Variants in POR observed in about 807,000 individuals in gnomAD.
The protein encoded by POR is cytochrome p450 oxidoreductase.
A neutral mutation model predicts 84.0 loss-of-function variants in POR; 56 were observed. That is an observed-to-expected ratio of 0.67 (90% confidence interval 0.54 to 0.83). The LOEUF is 0.83. Ranked by LOEUF, POR falls within the 40% of genes least tolerant of loss-of-function variation. The pLI, the probability that POR is intolerant of heterozygous loss-of-function variation, is 0.00. For missense variants in POR, 938 were observed against 944.3 expected (o/e 0.99, Z 0.09); for synonymous variants, 414 against 400.5 (o/e 1.03, Z -0.40).
intron 3 of POR, among the ~76,000 whole-genome samples, chr7:75,976,441 T>TA (rs10647973): frequency 0.29 from 41,899 of 146,012 alleles, 6,133 homozygotes; most frequent in East Asian, 0.45. Context: ...AGATTCCATC[T>TA]AAAAAAAAAA....
intron 1 of POR, among the ~76,000 whole-genome samples, chr7:75,928,807 A>G (rs1187906531): frequency 6.6e-6 from 1 of 151,866 alleles, no homozygotes; most frequent in Non-Finnish European, 1.5e-5. Flanking sequence ...TCTAACAGGA[A>G]GCCCCAGTGG....
chr7:75,923,794 A>G (rs1806984502), intron 1 of POR, among the ~76,000 whole-genome samples: 1 of 151,868 alleles, frequency 6.6e-6, no homozygotes, highest in Admixed American at 6.6e-5. Flanking sequence ...AGGCTGAGGC[A>G]GGAGAATCGC....
At chr7:75,925,185 T>C (rs1265071243) in intron 1 of POR, among the ~76,000 whole-genome samples, 3 of 151,994 alleles carry the variant, frequency 2.0e-5, no homozygotes, top group Admixed American at 1.3e-4. Context: ...ATAGCAGTTA[T>C]TGGAAAAAGG....
At chr7:75,949,078 GA>G (rs1326008218) in intron 1 of POR, among the ~76,000 whole-genome samples, 1 of 152,204 alleles carries the variant, frequency 6.6e-6, no homozygotes, top group East Asian at 1.9e-4. Context: ...TGGGTGGTGG[GA>G]GTGGGTTCTG....
intron 3 of POR, 151 bp downstream of exon 3, chr7:75,972,612 T>C (rs1398708526): frequency 1.3e-6 from 1 of 745,972 alleles, no homozygotes; most frequent in Non-Finnish European, 2.4e-6. Context: ...GAGTCATTCT[T>C]GCCTAACCAA....
rs138961365 is a variant in POR, at chr7:75,921,729, C to T, written c.-5+6550C>T. Among the ~76,000 whole-genome samples, 424 of 152,150 alleles carry T rather than the reference C, an allele frequency of 2.8e-3. 4 individuals are homozygous for T. Among genetic ancestry groups the T allele is most frequent in the African/African-American group, 9.6e-3 (398 of 41,524 alleles). On this transcript the variant is annotated intron_variant, in intron 1 of 15. Coordinates refer to ENST00000461988, the MANE Select transcript of POR (RefSeq NM_000941.3). ...GTTGATCTTGGAACCCTGCTTCGGT[C>T]ACCCCTCCTTTCTCTTCGCCCAGAC... is the stretch of plus-strand genomic sequence containing the variant.
At chr7:75,981,704 T>C (rs1789056588) in intron 7 of POR, 98 bp downstream of exon 7, 5 of 1,003,288 alleles carry the variant, frequency 5.0e-6, no homozygotes, top group Non-Finnish European at 7.4e-6. Flanking sequence ...CGCAGCAAGG[T>C]TAGAAGACAC....
At chr7:75,925,472 C>G (rs1302417047) in intron 1 of POR, among the ~76,000 whole-genome samples, 1 of 152,186 alleles carries the variant, frequency 6.6e-6, no homozygotes, top group Non-Finnish European at 1.5e-5. Context: ...CTGTAGTAAG[C>G]TATGATTGCA....
chr7:75,965,502 G>A (rs1554555104), intron 2 of POR, among the ~76,000 whole-genome samples: 1 of 151,824 alleles, frequency 6.6e-6, no homozygotes, highest in East Asian at 1.9e-4. Flanking sequence ...GGCCACCCCA[G>A]CCCACCCCTC....
chr7:75,926,160 G>A (rs542929790), intron 1 of POR, among the ~76,000 whole-genome samples: 2 of 148,900 alleles, frequency 1.3e-5, no homozygotes, highest in African/African-American at 5.1e-5. Flanking sequence ...CATGCTTGGC[G>A]AGTTTTTCTT....
intron 3 of POR, among the ~76,000 whole-genome samples, chr7:75,973,102 C>G (rs1252179257): frequency 1.3e-5 from 2 of 151,772 alleles, no homozygotes; most frequent in African/African-American, 4.8e-5. Context: ...GGATTACAGG[C>G]GTGAACCACC....
At chr7:75,937,092 G>T (rs1554550938) in intron 1 of POR, among the ~76,000 whole-genome samples, 1 of 151,622 alleles carries the variant, frequency 6.6e-6, no homozygotes, top group Non-Finnish European at 1.5e-5. Flanking sequence ...CTCCCAAAGT[G>T]CTGGGATTAC....
At chr7:75,959,518 C>T (rs927550140) in intron 2 of POR, among the ~76,000 whole-genome samples, 4 of 152,122 alleles carry the variant, frequency 2.6e-5, no homozygotes, top group African/African-American at 9.7e-5. Flanking sequence ...TGCTATGGCG[C>T]GATATCAGTT....
At chr7:75,981,949 C>G in intron 7 of POR, 1 of 567,966 alleles carries the variant, frequency 1.8e-6, no homozygotes, top group Non-Finnish European at 3.1e-6. Flanking sequence ...CCCCTGGGTG[C>G]TGCCCGGGCT....
chr7:75,946,391 ATCC>A (rs1787174111), intron 1 of POR, among the ~76,000 whole-genome samples: 3 of 151,862 alleles, frequency 2.0e-5, no homozygotes. Flanking sequence ...GGCTCAGGTG[ATCC>A]TCCTACCTCG....
rs1554559338 is a variant in POR at position 75,986,094 on chromosome 7, G to T, written c.1815+26G>T. On this transcript the variant is annotated intron_variant, in intron 14 of 15. Coordinates refer to ENST00000461988, the MANE Select transcript of POR (RefSeq NM_000941.3). Reference sequence around the variant, plus strand: ...GTGAGACGGGCGGGCACCCACGAAGGTGGGCATGAGGCTGGCAGGGCCACA... The same window carrying T: ...GTGAGACGGGCGGGCACCCACGAAGTTGGGCATGAGGCTGGCAGGGCCACA... The T allele has an allele frequency of 1.9e-6, 3 of 1,573,534 alleles. No individual in the cohort carries two copies. In the South Asian group the frequency reaches 3.5e-5, roughly 18 times the overall value.
chr7:75,982,477 C>T (rs773682101), intron 8 of POR, among the ~76,000 whole-genome samples, 155 bp downstream of exon 8: 6 of 152,178 alleles, frequency 3.9e-5, no homozygotes, highest in African/African-American at 1.2e-4. Context: ...GTCCACGGCC[C>T]GGCCCCAGGA....
At chr7:75,963,462 C>T (rs1007546811) in intron 2 of POR, among the ~76,000 whole-genome samples, 3 of 152,216 alleles carry the variant, frequency 2.0e-5, no homozygotes, top group Admixed American at 6.5e-5. Flanking sequence ...AGGTTTCTGT[C>T]ACTCTGACAA....
intron 2 of POR, among the ~76,000 whole-genome samples, chr7:75,965,299 GAAA>G (rs1554555079): frequency 7.6e-6 from 1 of 131,492 alleles, no homozygotes; most frequent in African/African-American, 2.9e-5. Flanking sequence ...CAGTGCTTTT[GAAA>G]ACATAATTCT....
Sources: gnomAD v4.1 joint callset for allele counts (sites outside exome capture counted in the v4.1 genomes callset) on GRCh38, gnomAD v4.1.1 for gene constraint, MANE v1.5 for transcripts, NCBI Gene and HGNC (gene_info 2026-07-23, HGNC 2026-07-21) for gene names.